CHMP3: variants seen among roughly 807,000 people sequenced by gnomAD.
CHMP3 encodes 25.1 protein.
CHMP3 carries 8 observed loss-of-function variants against 27.4 expected under a neutral mutation model. The ratio of observed to expected loss-of-function variants is 0.29; its 90% CI spans 0.17 to 0.53. The LOEUF is 0.53. Among genes scored for constraint, CHMP3 ranks in the 20% least tolerant of loss-of-function variants. The probability of loss-of-function intolerance (pLI) is 0.96; values close to 1 mark genes in which losing one functional copy is unlikely to be tolerated. For missense variants in CHMP3, 208 were observed against 271.5 expected (o/e 0.77, Z 1.64); for synonymous variants, 86 against 85.5 (o/e 1.01, Z -0.03).
intron 3 of CHMP3, among the ~76,000 whole-genome samples, chr2:86,514,261 A>T (rs1429153292): frequency 6.6e-6 from 1 of 152,226 alleles, no homozygotes; most frequent in Non-Finnish European, 1.5e-5. Flanking sequence ...GTTCTAATAT[A>T]AGCCACAGTG....
chr2:86,555,321 G>A (rs139205342), intron 1 of CHMP3, among the ~76,000 whole-genome samples: 2,189 of 152,150 alleles, frequency 0.014, 30 homozygotes, highest in Non-Finnish European at 0.022. Flanking sequence ...TCTGTGTGCT[G>A]ACGTAAGAAA....
At chr2:86,556,586 A>G (rs1316274146) in intron 1 of CHMP3, among the ~76,000 whole-genome samples, 1 of 151,916 alleles carries the variant, frequency 6.6e-6, no homozygotes, top group Non-Finnish European at 1.5e-5. Context: ...ATGTAAAGAA[A>G]CTGATCTAGA....
intron 1 of CHMP3, among the ~76,000 whole-genome samples, chr2:86,545,741 G>A (rs1179109436): frequency 1.4e-5 from 2 of 146,836 alleles, no homozygotes; most frequent in African/African-American, 2.5e-5. Context: ...GGGCGGCTGG[G>A]CAGAGGCGCT....
In CHMP3 at chr2:86,563,435, G is replaced by T; in HGVS notation, c.-87C>A. 1.3e-6 allele frequency: 2 copies of T among 1,534,786 alleles called. No individual in the cohort carries two copies. Among genetic ancestry groups the T allele is most frequent in the South Asian group, 1.1e-5 (1 of 89,020 alleles). On this transcript the variant is annotated 5_prime_UTR_variant, in exon 1 of 6. Transcript: ENST00000263856. ...GGCAGCCGCCTGGGCGGGGCCCGCG[G>T]AAAAGGAGGTAGTCCCAACCCCCAG...
At chr2:86,557,421 C>A (rs757708506) in intron 1 of CHMP3, among the ~76,000 whole-genome samples, 1 of 152,212 alleles carries the variant, frequency 6.6e-6, no homozygotes, top group Non-Finnish European at 1.5e-5. Context: ...GCCTCCCTAC[C>A]TAAATCTCTT....
intron 1 of CHMP3, among the ~76,000 whole-genome samples, chr2:86,554,913 C>T (rs1326893450): frequency 6.8e-6 from 1 of 148,068 alleles, no homozygotes; most frequent in Non-Finnish European, 1.5e-5. Context: ...AGTGGGTGAT[C>T]TCGGCTCACT....
intron 1 of CHMP3, 72 bp downstream of exon 1, chr2:86,563,232 T>A (rs1375656678): frequency 5.1e-6 from 8 of 1,561,962 alleles, no homozygotes; most frequent in Non-Finnish European, 7.0e-6. Context: ...GAGAAGAGTG[T>A]CCTGTCATTT....
intron 3 of CHMP3, among the ~76,000 whole-genome samples, chr2:86,521,382 T>A (rs1372332509): frequency 1.3e-5 from 2 of 152,238 alleles, no homozygotes. Context: ...ACTGCTTTAA[T>A]AGTAAAATAT....
chr2:86,507,627 G>T, intron 4 of CHMP3, 34 bp from the exon 5 acceptor site: 1 of 1,583,454 alleles, frequency 6.3e-7, no homozygotes, highest in Non-Finnish European at 8.7e-7. Flanking sequence ...TCGGTCAACT[G>T]TTAAATCTGT....
At chr2:86,540,728 T>C (rs1676327001) in intron 2 of CHMP3, 1 of 152,122 alleles carries the variant, frequency 6.6e-6, no homozygotes, top group African/African-American at 2.4e-5. Context: ...GTTTTCTGTA[T>C]TTTGTATTTA....
intron 3 of CHMP3, among the ~76,000 whole-genome samples, chr2:86,523,784 C>T (rs1464150470): frequency 1.3e-5 from 2 of 151,894 alleles, no homozygotes; most frequent in African/African-American, 4.8e-5. Flanking sequence ...AAACAATACA[C>T]AGAATGTAAG....
intron 3 of CHMP3, 47 bp from the exon 4 acceptor site, chr2:86,510,526 G>C (rs966477): frequency 6.3e-7 from 1 of 1,597,526 alleles, no homozygotes; most frequent in Non-Finnish European, 8.5e-7. Flanking sequence ...GGATGGAATA[G>C]AGAGAGACAG....
intron 1 of CHMP3, among the ~76,000 whole-genome samples, chr2:86,553,868 A>C (rs1367712090): frequency 6.6e-6 from 1 of 152,246 alleles, no homozygotes; most frequent in African/African-American, 2.4e-5. Context: ...ACCGAGCTGA[A>C]AAATATATAT....
At chr2:86,549,140 C>T (rs1283091735) in intron 1 of CHMP3, among the ~76,000 whole-genome samples, 3 of 147,048 alleles carry the variant, frequency 2.0e-5, no homozygotes, top group African/African-American at 5.1e-5. Context: ...GCGCCCCTCA[C>T]GTCCCAGACG....
chr2:86,530,961 G>C (rs1675896638), intron 2 of CHMP3, among the ~76,000 whole-genome samples: 2 of 152,030 alleles, frequency 1.3e-5, no homozygotes, highest in Admixed American at 6.5e-5. Context: ...CTGACAATTT[G>C]TACAGCTTAT....
intron 1 of CHMP3, among the ~76,000 whole-genome samples, chr2:86,549,275 G>A (rs2104014173): frequency 6.8e-6 from 1 of 147,792 alleles, no homozygotes; most frequent in Middle Eastern, 3.8e-3. Context: ...CAGGGCAGAG[G>A]CGCTCCTCGC....
chr2:86,532,173 G>A (rs1441058831), intron 2 of CHMP3, among the ~76,000 whole-genome samples: 1 of 152,000 alleles, frequency 6.6e-6, no homozygotes, highest in African/African-American at 2.4e-5. Context: ...TGCCTCCTTG[G>A]TTAAGTAAAT....
At chr2:86,535,472 C>T (rs12464501) in intron 2 of CHMP3, among the ~76,000 whole-genome samples, 6,380 of 152,126 alleles carry the variant, frequency 0.042, 251 homozygotes, top group East Asian at 0.14. Flanking sequence ...GAGGATTATG[C>T]TTAACATCCT....
At chr2:86,560,755 C>T (rs1383047698) in intron 1 of CHMP3, among the ~76,000 whole-genome samples, 1 of 151,530 alleles carries the variant, frequency 6.6e-6, no homozygotes, top group Non-Finnish European at 1.5e-5. Flanking sequence ...GTTCTGCAGA[C>T]TGTACGGGAA....
Sources: allele counts gnomAD v4.1 joint callset (sites outside exome capture counted in the v4.1 genomes callset), GRCh38; gene constraint gnomAD v4.1.1; transcripts MANE v1.5; gene names NCBI Gene and HGNC (gene_info 2026-07-23, HGNC 2026-07-21).